Variants in WDR70 observed in about 807,000 individuals in gnomAD.
WDR70 encodes WD repeat-containing protein 70.
Under a neutral mutation model 88.6 loss-of-function variants are expected in WDR70, and 53 were observed. The observed-to-expected ratio is 0.60, with a 90% confidence interval of 0.48 to 0.75. The LOEUF is 0.75. Among genes scored for constraint, WDR70 ranks in the 30% least tolerant of loss-of-function variants. WDR70 has a pLI of 0.00. For synonymous variants in WDR70, 280 were observed against 270.0 expected, an observed-to-expected ratio of 1.04 and a Z score of -0.36; for missense variants, 610 against 823.2, an observed-to-expected ratio of 0.74 and a Z score of 3.17.
chr5:37,504,383 G>C (rs1465303012), intron 8 of WDR70, among the ~76,000 whole-genome samples: 2 of 151,434 alleles, frequency 1.3e-5, no homozygotes, highest in Non-Finnish European at 2.9e-5. Context: ...TATTAATGCA[G>C]TATATATTAG....
chr5:37,606,898 C>CTCCCA (rs1744044766), intron 10 of WDR70, among the ~76,000 whole-genome samples: 1 of 50,152 alleles, frequency 2.0e-5, no homozygotes, highest in African/African-American at 9.7e-5. Context: ...CTCCCCTCCC[C>CTCCCA]TCCCCTCCCC....
intron 10 of WDR70, among the ~76,000 whole-genome samples, chr5:37,694,953 G>A (rs1277852096): frequency 9.9e-5 from 15 of 152,002 alleles, no homozygotes; most frequent in Admixed American, 8.5e-4. Flanking sequence ...CCTTAACATG[G>A]TATATTGGTC....
At chr5:37,636,852 A>C (rs1380299749) in intron 10 of WDR70, among the ~76,000 whole-genome samples, 1 of 152,182 alleles carries the variant, frequency 6.6e-6, no homozygotes. Flanking sequence ...GACTAGAAAA[A>C]AAAGCACATT....
chr5:37,700,847 C>T (rs989138481), intron 11 of WDR70, among the ~76,000 whole-genome samples: 3 of 152,182 alleles, frequency 2.0e-5, no homozygotes, highest in Non-Finnish European at 2.9e-5. Context: ...TTGCGACTAC[C>T]GCTTTTTAAG....
At chr5:37,578,820 AAC>A (rs1743130582) in intron 9 of WDR70, among the ~76,000 whole-genome samples, 1 of 152,208 alleles carries the variant, frequency 6.6e-6, no homozygotes, top group African/African-American at 2.4e-5. Context: ...AACATACAGA[AAC>A]ACAGAAAAGT....
At chr5:37,572,304 T>A (rs1458918446) in intron 9 of WDR70, among the ~76,000 whole-genome samples, 2 of 152,074 alleles carry the variant, frequency 1.3e-5, no homozygotes, top group African/African-American at 4.8e-5. Context: ...AGCCTTGGTA[T>A]ACCACCAAGA....
At chr5:37,564,526 G>T (rs918622073) in intron 9 of WDR70, among the ~76,000 whole-genome samples, 1 of 150,902 alleles carries the variant, frequency 6.6e-6, no homozygotes, top group Admixed American at 6.6e-5. Context: ...GGAAAGAGAG[G>T]GAGAGGGAGA....
At chr5:37,707,936 AAAAAAAAAAAAAATATATATATATATAT>A (rs1747384843) in intron 13 of WDR70, among the ~76,000 whole-genome samples, 9 of 36,350 alleles carry the variant, frequency 2.5e-4, no homozygotes, top group South Asian at 1.2e-3. Context: ...AAAAAAAAAA[AAAAAAAAAAAAAATATATATATATATAT>A]ATATATATAT....
chr5:37,385,109 C>T (rs1461778297), intron 3 of WDR70, among the ~76,000 whole-genome samples: 1 of 152,098 alleles, frequency 6.6e-6, no homozygotes, highest in African/African-American at 2.4e-5. Context: ...TGAAGTAATG[C>T]ACTGGGCAAG....
intron 10 of WDR70, among the ~76,000 whole-genome samples, chr5:37,637,197 C>T (rs1182400872): frequency 6.6e-6 from 1 of 151,892 alleles, no homozygotes; most frequent in Non-Finnish European, 1.5e-5. Flanking sequence ...CAAAAATTAG[C>T]CAGGCATGAT....
intron 9 of WDR70, among the ~76,000 whole-genome samples, chr5:37,602,109 A>G (rs1429694581): frequency 6.6e-6 from 1 of 152,032 alleles, no homozygotes; most frequent in Non-Finnish European, 1.5e-5. Context: ...TAGGAGAAAT[A>G]CCTAATGTAG....
At chr5:37,711,987 CTTTTTTT>C (rs70978842) in intron 13 of WDR70, among the ~76,000 whole-genome samples, 1 of 104,022 alleles carries the variant, frequency 9.6e-6, no homozygotes, top group African/African-American at 3.7e-5. Context: ...TATATTTTTT[CTTTTTTT>C]TTTTTTTTTT....
At chr5:37,526,068 G>A (rs1026164538) in intron 9 of WDR70, among the ~76,000 whole-genome samples, 1 of 152,186 alleles carries the variant, frequency 6.6e-6, no homozygotes, top group Non-Finnish European at 1.5e-5. Flanking sequence ...GGAGGAGCTG[G>A]TACCATTCCT....
intron 8 of WDR70, chr5:37,506,994 G>GAC (rs149480402): frequency 0.54 from 287,284 of 534,258 alleles, 63,301 homozygotes; most frequent in Admixed American, 0.59. Flanking sequence ...TGCCCTTGGG[G>GAC]ACACACACAC....
At chr5:37,716,370 T>TA (rs1561088207) in intron 13 of WDR70, among the ~76,000 whole-genome samples, 2 of 152,156 alleles carry the variant, frequency 1.3e-5, no homozygotes, top group East Asian at 1.9e-4. Context: ...GTGGGCTTTT[T>TA]AAAAAAATGA....
chr5:37,694,509 T>G lies in WDR70; in HGVS notation c.1093-3146T>G, dbSNP rs540850959. Among the ~76,000 whole-genome samples, 496 of 152,330 alleles carry G rather than the reference T, an allele frequency of 3.3e-3. 3 individuals are homozygous for G. Among genetic ancestry groups the G allele is most frequent in the Admixed American group, 9.5e-3 (146 of 15,308 alleles). The stretch of plus-strand genomic sequence containing the variant: ...GTGGCACATATACACCATGGAATAC[T>G]ATGCAGCCATAAAAAAGGATGAGTT... On this transcript the variant is annotated intron_variant, in intron 10 of 17. Coordinates refer to ENST00000265107, the MANE Select transcript of WDR70 (RefSeq NM_018034.4).
chr5:37,410,361 A>C (rs1435687703), intron 5 of WDR70, among the ~76,000 whole-genome samples: 1 of 151,774 alleles, frequency 6.6e-6, no homozygotes, highest in Non-Finnish European at 1.5e-5. Context: ...TTTTGACTTG[A>C]GTACTGATGA....
At chr5:37,722,966 T>C in intron 15 of WDR70, 32 bp downstream of exon 15, 2 of 1,608,778 alleles carry the variant, frequency 1.2e-6, no homozygotes, top group South Asian at 2.2e-5. Context: ...CAATCATGCA[T>C]CTCTCTTCTA....
intron 10 of WDR70, among the ~76,000 whole-genome samples, chr5:37,688,190 AGAG>A (rs1746670759): frequency 6.6e-6 from 1 of 152,236 alleles, no homozygotes; most frequent in Non-Finnish European, 1.5e-5. Context: ...TAAGGGTCAT[AGAG>A]CTGTAAATGA....
Sources: allele counts gnomAD v4.1 joint callset (sites outside exome capture counted in the v4.1 genomes callset), GRCh38; gene constraint gnomAD v4.1.1; transcripts MANE v1.5; gene names NCBI Gene and HGNC (gene_info 2026-07-23, HGNC 2026-07-21).